Variants in VEPH1 observed in about 807,000 individuals in gnomAD.
VEPH1 encodes ventricular zone expressed PH domain containing 1.
A neutral mutation model predicts 85.2 loss-of-function variants in VEPH1; 80 were observed. The observed-to-expected ratio is 0.94, with a 90% CI of 0.78 to 1.13. VEPH1 has a LOEUF of 1.13. Ranked by LOEUF, VEPH1 falls within the 50% of genes most tolerant of loss-of-function variation. The pLI, the probability that VEPH1 is intolerant of heterozygous loss-of-function variation, is 0.00. For synonymous variants in VEPH1, 297 were observed against 348.0 expected, an observed-to-expected ratio of 0.85 and a Z score of 1.63; for missense variants, 955 against 980.5, an observed-to-expected ratio of 0.97 and a Z score of 0.35.
intron 12 of VEPH1, among the ~76,000 whole-genome samples, chr3:157,280,408 A>G (rs1428980348): frequency 6.6e-6 from 1 of 152,170 alleles, no homozygotes. Context: ...TATATGGCCT[A>G]TCTGACACTT....
At chr3:157,466,787 CAATTCTCT>C (rs968505045) in intron 3 of VEPH1, among the ~76,000 whole-genome samples, 1 of 152,146 alleles carries the variant, frequency 6.6e-6, no homozygotes, top group Non-Finnish European at 1.5e-5. Context: ...TGATCTGATT[CAATTCTCT>C]ATTTTACACA....
At chr3:157,352,226 T>C (rs1392140708) in intron 9 of VEPH1, among the ~76,000 whole-genome samples, 1 of 152,218 alleles carries the variant, frequency 6.6e-6, no homozygotes, top group Non-Finnish European at 1.5e-5. Context: ...AAACCACATA[T>C]AGCAATTGTG....
intron 11 of VEPH1, among the ~76,000 whole-genome samples, chr3:157,310,607 AT>A (rs898910937): frequency 3.3e-5 from 5 of 152,314 alleles, no homozygotes; most frequent in African/African-American, 1.2e-4. Flanking sequence ...AAAACAACAG[AT>A]GTTTCTTTCT....
At chr3:157,458,017 T>A (rs1735523174) in intron 4 of VEPH1, among the ~76,000 whole-genome samples, 1 of 152,216 alleles carries the variant, frequency 6.6e-6, no homozygotes, top group Non-Finnish European at 1.5e-5. Flanking sequence ...ATTGGTAGAC[T>A]ATTTATTACT....
At chr3:157,317,805 GAGAA>G (rs1013758320) in intron 9 of VEPH1, among the ~76,000 whole-genome samples, 107 of 152,202 alleles carry the variant, frequency 7.0e-4, no homozygotes, top group African/African-American at 2.6e-3. Context: ...ACCATGTGTA[GAGAA>G]AGAAATAATG....
intron 12 of VEPH1, among the ~76,000 whole-genome samples, chr3:157,281,101 T>TGTGTGAGAGA (rs371002819): frequency 4.5e-4 from 67 of 148,742 alleles, no homozygotes; most frequent in Admixed American, 8.7e-4. Flanking sequence ...TGTGTGTGTG[T>TGTGTGAGAGA]GAGAGAGAGA....
chr3:157,386,707 A>G (rs1729342739), intron 6 of VEPH1, among the ~76,000 whole-genome samples: 1 of 152,158 alleles, frequency 6.6e-6, no homozygotes. Flanking sequence ...AGAAACACTG[A>G]CTTAGGAGAA....
At chr3:157,404,345 A>G (rs1163889024) in intron 6 of VEPH1, among the ~76,000 whole-genome samples, 1 of 152,122 alleles carries the variant, frequency 6.6e-6, no homozygotes, top group African/African-American at 2.4e-5. Context: ...ATGAAAAGCA[A>G]ATGCAACCAG....
chr3:157,477,834 C>A (rs924705131), intron 2 of VEPH1, among the ~76,000 whole-genome samples: 2 of 152,268 alleles, frequency 1.3e-5, no homozygotes, highest in East Asian at 1.9e-4. Context: ...AAGAATGGCA[C>A]CATCCCTCAA....
chr3:157,273,407 G>A (rs1714966623), intron 12 of VEPH1, among the ~76,000 whole-genome samples: 1 of 152,162 alleles, frequency 6.6e-6, no homozygotes, highest in Admixed American at 6.5e-5. Flanking sequence ...CACACTGAGA[G>A]GCACTTATTC....
chr3:157,267,102 C>CTTTTTTTTTTTTT (rs10537483), intron 12 of VEPH1, among the ~76,000 whole-genome samples: 6 of 124,672 alleles, frequency 4.8e-5, no homozygotes, highest in African/African-American at 9.1e-5. Flanking sequence ...TCTTTTTTTT[C>CTTTTTTTTTTTTT]TTTTTTTTTT....
At chr3:157,430,342 G>C (rs926192651) in intron 4 of VEPH1, among the ~76,000 whole-genome samples, 1 of 151,980 alleles carries the variant, frequency 6.6e-6, no homozygotes, top group Non-Finnish European at 1.5e-5. Flanking sequence ...ACATCCCTTC[G>C]CAACATATTT....
intron 13 of VEPH1, among the ~76,000 whole-genome samples, chr3:157,262,901 C>T (rs1353390621): frequency 2.6e-5 from 4 of 152,072 alleles, no homozygotes; most frequent in South Asian, 2.1e-4. Context: ...AATAAAATTG[C>T]ATTTCTTTGA....
chr3:157,377,863 A>C (rs540144798), intron 7 of VEPH1, among the ~76,000 whole-genome samples: 1 of 152,314 alleles, frequency 6.6e-6, no homozygotes, highest in East Asian at 1.9e-4. Flanking sequence ...TACTTATTAA[A>C]AATATATTTT....
At chr3:157,497,444 C>T (rs1327913907) in intron 1 of VEPH1, among the ~76,000 whole-genome samples, 1 of 152,146 alleles carries the variant, frequency 6.6e-6, no homozygotes. Flanking sequence ...GGGTGAATCA[C>T]AATATCTCTA....
intron 12 of VEPH1, among the ~76,000 whole-genome samples, chr3:157,272,511 G>A (rs1447782331): frequency 6.9e-6 from 1 of 145,230 alleles, no homozygotes; most frequent in South Asian, 2.2e-4. Flanking sequence ...AGGCTGGAGT[G>A]CAGTGACACA....
At chr3:157,303,608 CAA>C (rs1719083329) in intron 11 of VEPH1, among the ~76,000 whole-genome samples, 1 of 152,194 alleles carries the variant, frequency 6.6e-6, no homozygotes, top group African/African-American at 2.4e-5. Flanking sequence ...CCTGCCTGAG[CAA>C]AGAGTGTCCC....
At chr3:157,266,716 T>A (rs1028347340) in intron 12 of VEPH1, among the ~76,000 whole-genome samples, 2 of 152,130 alleles carry the variant, frequency 1.3e-5, no homozygotes, top group African/African-American at 2.4e-5. Flanking sequence ...AATGTCAGAG[T>A]TTAGACGCTG....
At chr3:157,406,719 A>C (rs932693412) in intron 6 of VEPH1, among the ~76,000 whole-genome samples, 1 of 133,076 alleles carries the variant, frequency 7.5e-6, no homozygotes, top group Non-Finnish European at 1.6e-5. Flanking sequence ...AGGAAAAACA[A>C]GTGGCCATAG....
Sources: gnomAD v4.1 joint callset for allele counts (sites outside exome capture counted in the v4.1 genomes callset) on GRCh38, gnomAD v4.1.1 for gene constraint, MANE v1.5 for transcripts, NCBI Gene and HGNC (gene_info 2026-07-23, HGNC 2026-07-21) for gene names.